Variants in PLXNA4 observed in about 807,000 individuals in gnomAD.
PLXNA4 encodes plexin A4.
In PLXNA4, 44 loss-of-function variants were observed where a neutral mutation model predicts 191.8. The ratio of observed to expected loss-of-function variants is 0.23; its 90% CI spans 0.18 to 0.29. PLXNA4 has a LOEUF of 0.29. Ranked by LOEUF, PLXNA4 falls within the 10% of genes least tolerant of loss-of-function variation. The probability of loss-of-function intolerance (pLI) is 1.00; values close to 1 mark genes in which losing one functional copy is unlikely to be tolerated. For synonymous variants in PLXNA4, 1,082 were observed against 1,009.5 expected, an observed-to-expected ratio of 1.07 and a Z score of -1.36; for missense variants, 1,800 against 2,488.8, an observed-to-expected ratio of 0.72 and a Z score of 5.89.
intron 3 of PLXNA4, among the ~76,000 whole-genome samples, chr7:132,371,083 C>T (rs997968275): frequency 2.0e-5 from 3 of 152,064 alleles, no homozygotes; most frequent in African/African-American, 4.8e-5. Context: ...AGGCACGCTT[C>T]CAGGTTAGGG....
intron 1 of PLXNA4, among the ~76,000 whole-genome samples, chr7:132,560,327 T>C (rs1206757121): frequency 6.6e-6 from 1 of 152,162 alleles, no homozygotes; most frequent in East Asian, 1.9e-4. Flanking sequence ...GGGATTGTTC[T>C]TTTTCCACTG....
At chr7:132,130,760 A>G (rs1249646514) in intron 31 of PLXNA4, among the ~76,000 whole-genome samples, 186 bp from the exon 32 acceptor site, 1 of 152,174 alleles carries the variant, frequency 6.6e-6, no homozygotes, top group Non-Finnish European at 1.5e-5. Context: ...TGGCAGGCAT[A>G]GCATGTGAGC....
At chr7:132,514,273 G>A (rs1458862495) in intron 1 of PLXNA4, among the ~76,000 whole-genome samples, 2 of 149,372 alleles carry the variant, frequency 1.3e-5, no homozygotes, top group African/African-American at 4.9e-5. Context: ...GGATGGTCTC[G>A]ATCTCCTGAC....
intron 3 of PLXNA4, among the ~76,000 whole-genome samples, chr7:132,393,620 G>C (rs1283294751): frequency 1.3e-5 from 2 of 152,220 alleles, no homozygotes; most frequent in Non-Finnish European, 2.9e-5. Context: ...TGAGAATGCA[G>C]AGTGCAGCAA....
At chr7:132,418,274 C>T (rs1261438981) in intron 3 of PLXNA4, among the ~76,000 whole-genome samples, 1 of 152,178 alleles carries the variant, frequency 6.6e-6, no homozygotes, top group Non-Finnish European at 1.5e-5. Context: ...TCATCCCTCC[C>T]CCAAGTTTCT....
chr7:132,321,755 G>A (rs753202469), intron 3 of PLXNA4, among the ~76,000 whole-genome samples: 8 of 152,146 alleles, frequency 5.3e-5, no homozygotes, highest in Non-Finnish European at 1.0e-4. Context: ...GGTGGGGAGG[G>A]GCAAAAAGGA....
At chr7:132,185,879 C>G (rs941652206) in intron 15 of PLXNA4, among the ~76,000 whole-genome samples, 1 of 152,206 alleles carries the variant, frequency 6.6e-6, no homozygotes, top group African/African-American at 2.4e-5. Context: ...CCTTATTCTG[C>G]TCATTGGCTA....
At chr7:132,200,318 T>C (rs1341483069) in intron 12 of PLXNA4, among the ~76,000 whole-genome samples, 1 of 152,140 alleles carries the variant, frequency 6.6e-6, no homozygotes, top group African/African-American at 2.4e-5. Context: ...GTTGGTTTCT[T>C]GTTGAGGGCT....
chr7:132,355,577 C>G (rs1803665399), intron 3 of PLXNA4, among the ~76,000 whole-genome samples: 1 of 152,166 alleles, frequency 6.6e-6, no homozygotes, highest in Admixed American at 6.5e-5. Context: ...TGGTACTAAC[C>G]ATGTGCCTGG....
chr7:132,486,409 C>T (rs116800304), intron 3 of PLXNA4, among the ~76,000 whole-genome samples: 233 of 152,280 alleles, frequency 1.5e-3, no homozygotes, highest in African/African-American at 5.4e-3. Context: ...GCCACTTTTG[C>T]TTTTTATTAT....
intron 9 of PLXNA4, among the ~76,000 whole-genome samples, chr7:132,220,768 C>A (rs1798116345): frequency 6.6e-6 from 1 of 150,610 alleles, no homozygotes; most frequent in South Asian, 2.1e-4. Flanking sequence ...CTAAAGGGAT[C>A]TCTGCATTGC....
At chr7:132,408,615 C>T (rs1794324127) in intron 3 of PLXNA4, among the ~76,000 whole-genome samples, 1 of 152,116 alleles carries the variant, frequency 6.6e-6, no homozygotes, top group Non-Finnish European at 1.5e-5. Flanking sequence ...AGGCACGTGC[C>T]ACCACATCTG....
chr7:132,245,852 T>TG (rs1436889371), intron 4 of PLXNA4, among the ~76,000 whole-genome samples: 1 of 152,216 alleles, frequency 6.6e-6, no homozygotes, highest in Admixed American at 6.5e-5. Flanking sequence ...AAATACTGCA[T>TG]GATTCTGCTT....
At position 132,475,227 on chromosome 7, in the gene PLXNA4, G is replaced by T. The variant is rs538108023; in HGVS notation, c.1371+14065C>A. ...AGCAGGGTGGCCCACAGTAGCTCCC[G>T]TTGCCCCTCCCAGCCCTCCTTGGGA... On this transcript the variant is annotated intron_variant, in intron 3 of 31. Transcript: ENST00000321063. 2.0e-5 allele frequency among the ~76,000 whole-genome samples: 3 copies of T among 152,116 alleles called. No individual in the cohort carries two copies. In the South Asian group the frequency reaches 6.2e-4, roughly 32 times the overall value.
chr7:132,165,059 G>C (rs1796082190), intron 23 of PLXNA4, 75 bp downstream of exon 23: 3 of 1,567,538 alleles, frequency 1.9e-6, no homozygotes, highest in Non-Finnish European at 2.6e-6. Context: ...GGACTCGGGG[G>C]TGTGGAGCGA....
At chr7:132,168,631 C>T in intron 21 of PLXNA4, 59 bp from the exon 22 acceptor site, 1 of 1,515,558 alleles carries the variant, frequency 6.6e-7, no homozygotes, top group Non-Finnish European at 8.8e-7. Flanking sequence ...CAGTGACCTC[C>T]CCACGGGATG....
At chr7:132,161,112 G>A (rs776985680) in intron 24 of PLXNA4, among the ~76,000 whole-genome samples, 1 of 152,164 alleles carries the variant, frequency 6.6e-6, no homozygotes, top group African/African-American at 2.4e-5. Context: ...TGACCCTTGG[G>A]CTGTTCTGGC....
intron 4 of PLXNA4, chr7:132,264,269 T>G (rs774988364): frequency 6.6e-6 from 1 of 152,224 alleles, no homozygotes; most frequent in Non-Finnish European, 1.5e-5. Context: ...CCCTCTCCCC[T>G]GGAGTTTGCT....
chr7:132,157,687 T>A (rs62469705), intron 25 of PLXNA4, among the ~76,000 whole-genome samples: 2,086 of 152,254 alleles, frequency 0.014, 33 homozygotes, highest in South Asian at 0.037. Flanking sequence ...CTGAATTGCA[T>A]TAAGGACCCT....
Sources: allele counts gnomAD v4.1 joint callset (sites outside exome capture counted in the v4.1 genomes callset), GRCh38; gene constraint gnomAD v4.1.1; transcripts MANE v1.5; gene names NCBI Gene and HGNC (gene_info 2026-07-23, HGNC 2026-07-21).